The following FAT3 variants were observed in gnomAD, a reference collection of about 807,000 sequenced individuals.
FAT3 encodes protocadherin Fat 3.
Under a neutral mutation model 310.2 loss-of-function variants are expected in FAT3, and 95 were observed. The ratio of observed to expected loss-of-function variants is 0.31; its 90% CI spans 0.26 to 0.36. The LOEUF (loss-of-function observed/expected upper bound fraction) is 0.36, where lower values mean the gene tolerates loss of function less well. FAT3 is among the 10% of genes least tolerant of loss of function. The pLI, the probability that FAT3 is intolerant of heterozygous loss-of-function variation, is 1.00. For synonymous variants in FAT3, 2,314 were observed against 2,192.9 expected, an observed-to-expected ratio of 1.06 and a Z score of -1.54; for missense variants, 5,408 against 5,715.6, an observed-to-expected ratio of 0.95 and a Z score of 1.74.
chr11:92,624,343 G>A (rs1941226264), intron 3 of FAT3, among the ~76,000 whole-genome samples: 1 of 152,196 alleles, frequency 6.6e-6, no homozygotes, highest in South Asian at 2.1e-4. Flanking sequence ...GTTAAAGTTG[G>A]AACCATGGAT....
chr11:92,652,411 A>G (rs1224252246), intron 3 of FAT3, among the ~76,000 whole-genome samples: 1 of 152,206 alleles, frequency 6.6e-6, no homozygotes, highest in Non-Finnish European at 1.5e-5. Context: ...CATAAAACTG[A>G]CTTGCTTTTA....
At chr11:92,621,298 A>G (rs1001776297) in intron 3 of FAT3, among the ~76,000 whole-genome samples, 5 of 152,228 alleles carry the variant, frequency 3.3e-5, no homozygotes, top group Admixed American at 2.0e-4. Context: ...TTGAAGGAGT[A>G]GGAGAATTAT....
chr11:92,796,327 T>C (rs16918094), intron 9 of FAT3, among the ~76,000 whole-genome samples: 4,386 of 152,296 alleles, frequency 0.029, 92 homozygotes, highest in African/African-American at 0.06. Flanking sequence ...AAGACAACAT[T>C]GTTTAATATT....
At chr11:92,547,448 C>T (rs566992463) in intron 3 of FAT3, among the ~76,000 whole-genome samples, 6 of 152,248 alleles carry the variant, frequency 3.9e-5, no homozygotes, top group Admixed American at 1.3e-4. Flanking sequence ...AGGCTACATA[C>T]GGCAAGTGTA....
chr11:92,883,077 C>T lies in FAT3; in HGVS notation c.12621C>T (p.Ile4207=), dbSNP rs2136413442. 2 of 1,613,922 alleles carry T rather than the reference C, an allele frequency of 1.2e-6. No homozygotes were observed. The highest frequency in any genetic ancestry group is 1.7e-6 in the Non-Finnish European group (2 of 1,179,908). Reference sequence around the variant, plus strand: ...CCCTGCTTAACAAGAGCAATGGCATCCCGTTCCGGAACCTGCGCGGCAGTG... The same window carrying T: ...CCCTGCTTAACAAGAGCAATGGCATTCCGTTCCGGAACCTGCGCGGCAGTG... ...TAALLNKSNG[I]PFRNLRGSGD... The change falls in exon 24 of 28, where the codon ATC becomes ATT. Residue 4207 remains isoleucine (I), a synonymous_variant. Transcript: ENST00000525166. This position sits in a 1 kb window ranked among gnomAD's most constrained non-coding sequence, Gnocchi z 4.2.
intron 3 of FAT3, among the ~76,000 whole-genome samples, chr11:92,686,245 AC>A (rs1943632007): frequency 1.3e-5 from 2 of 152,334 alleles, no homozygotes; most frequent in Admixed American, 1.3e-4. Context: ...TTCAGGAAAC[AC>A]ATATTTACTG....
At chr11:92,501,165 T>C (rs922494675) in intron 2 of FAT3, among the ~76,000 whole-genome samples, 42 of 152,080 alleles carry the variant, frequency 2.8e-4, no homozygotes, top group Non-Finnish European at 5.9e-5. Flanking sequence ...CCTTTGGGAC[T>C]GAACTCATTA....
At chr11:92,835,291 G>A (rs968859884) in intron 15 of FAT3, among the ~76,000 whole-genome samples, 7 of 152,118 alleles carry the variant, frequency 4.6e-5, no homozygotes, top group African/African-American at 1.7e-4. Flanking sequence ...TTATATCAAG[G>A]TGTTAGTGAT....
At chr11:92,472,970 C>T (rs1480443841) in intron 2 of FAT3, among the ~76,000 whole-genome samples, 1 of 152,152 alleles carries the variant, frequency 6.6e-6, no homozygotes, top group Non-Finnish European at 1.5e-5. Flanking sequence ...CCAGTTTGTT[C>T]CTCCACATTT....
chr11:92,689,117 T>C (rs2135882630), intron 3 of FAT3, among the ~76,000 whole-genome samples: 1 of 152,240 alleles, frequency 6.6e-6, no homozygotes, highest in East Asian at 1.9e-4. Flanking sequence ...ATTTTATAGA[T>C]GAGGAAGCTA....
intron 3 of FAT3, among the ~76,000 whole-genome samples, chr11:92,647,056 A>G (rs188167992): frequency 7.1e-4 from 108 of 152,212 alleles, no homozygotes; most frequent in Admixed American, 3.5e-3. Context: ...ATTGGCTTTT[A>G]GGATGCTCAG....
At chr11:92,426,124 C>A (rs191470886) in intron 2 of FAT3, among the ~76,000 whole-genome samples, 1 of 152,332 alleles carries the variant, frequency 6.6e-6, no homozygotes, top group African/African-American at 2.4e-5. Context: ...TTGGATTTCT[C>A]TAATGACCAG....
intron 1 of FAT3, among the ~76,000 whole-genome samples, chr11:92,227,042 G>T (rs1329674051): frequency 2.0e-5 from 3 of 152,326 alleles, no homozygotes; most frequent in Non-Finnish European, 2.9e-5. Context: ...GGGCGCCCAG[G>T]GGGAGGGGGC....
intron 3 of FAT3, among the ~76,000 whole-genome samples, chr11:92,528,833 C>G (rs1953968299): frequency 6.6e-6 from 1 of 152,160 alleles, no homozygotes. Flanking sequence ...GGCTGACATG[C>G]CAGTGTTTAG....
chr11:92,263,551 T>C (rs989150478), intron 1 of FAT3, among the ~76,000 whole-genome samples: 6 of 152,104 alleles, frequency 3.9e-5, no homozygotes, highest in African/African-American at 1.2e-4. Context: ...GATGTGAATA[T>C]TGGATCTTCT....
chr11:92,750,172 T>A (rs907887489), intron 4 of FAT3, among the ~76,000 whole-genome samples: 1 of 152,162 alleles, frequency 6.6e-6, no homozygotes, highest in Non-Finnish European at 1.5e-5. Flanking sequence ...GCCCAGAACC[T>A]GTCAGCTTGG....
At chr11:92,261,360 G>T (rs1189794405) in intron 1 of FAT3, among the ~76,000 whole-genome samples, 1 of 152,028 alleles carries the variant, frequency 6.6e-6, no homozygotes, top group African/African-American at 2.4e-5. Flanking sequence ...TAGAGTATGT[G>T]ACTGACATGC....
intron 2 of FAT3, among the ~76,000 whole-genome samples, chr11:92,370,228 A>G (rs889405657): frequency 1.3e-5 from 2 of 152,172 alleles, no homozygotes; most frequent in Admixed American, 6.5e-5. Flanking sequence ...TAGAATCCAT[A>G]ATTTCCATCC....
At chr11:92,852,228 G>A (rs966717821) in intron 19 of FAT3, among the ~76,000 whole-genome samples, 2 of 152,130 alleles carry the variant, frequency 1.3e-5, no homozygotes, top group Non-Finnish European at 2.9e-5. Flanking sequence ...AGTTCATAGA[G>A]AGGAAAGAAC....
Sources: gnomAD v4.1 joint callset for allele counts (sites outside exome capture counted in the v4.1 genomes callset) on GRCh38, gnomAD v4.1.1 for gene constraint, Gnocchi (gnomAD v3.1) non-coding constraint, MANE v1.5 for transcripts, NCBI Gene and HGNC (gene_info 2026-07-23, HGNC 2026-07-21) for gene names.